The following MTUS2 variants were observed in gnomAD, a reference collection of about 807,000 sequenced individuals.
The protein encoded by MTUS2 is microtubule-associated tumor suppressor candidate 2.
MTUS2 carries 40 observed loss-of-function variants against 114.1 expected under a neutral mutation model. The observed-to-expected ratio is 0.35, with a 90% CI of 0.27 to 0.46. The LOEUF (loss-of-function observed/expected upper bound fraction) is 0.46, where lower values mean the gene tolerates loss of function less well. Ranked by LOEUF, MTUS2 falls within the 20% of genes least tolerant of loss-of-function variation. The pLI is 1.00. For synonymous variants in MTUS2, 688 were observed against 672.0 expected (o/e 1.02, Z -0.37); for missense variants, 1,679 against 1,705.4 (o/e 0.98, Z 0.27).
intron 7 of MTUS2, among the ~76,000 whole-genome samples, chr13:29,332,762 G>A (rs1900851946): frequency 6.6e-6 from 1 of 150,464 alleles, no homozygotes; most frequent in Non-Finnish European, 1.5e-5. Flanking sequence ...AGCCTCCCGA[G>A]TAGCTGGGAC....
chr13:29,444,369 G>T (rs1047419866), intron 9 of MTUS2, among the ~76,000 whole-genome samples: 9 of 152,186 alleles, frequency 5.9e-5, no homozygotes, highest in Non-Finnish European at 8.8e-5. Context: ...GCGGAGAGGT[G>T]ACAGTGAGCC....
At chr13:29,481,371 C>T (rs928832973) in intron 10 of MTUS2, among the ~76,000 whole-genome samples, 1 of 152,058 alleles carries the variant, frequency 6.6e-6, no homozygotes, top group Non-Finnish European at 1.5e-5. Flanking sequence ...CCCACCACCA[C>T]CCCCGCTTCC....
At chr13:28,840,006 G>T (rs1875363013) in intron 2 of MTUS2, among the ~76,000 whole-genome samples, 156 bp downstream of exon 2, 1 of 147,818 alleles carries the variant, frequency 6.8e-6, no homozygotes, top group Admixed American at 6.8e-5. Context: ...AGAAGTCAAT[G>T]AAAATAAATT....
intron 5 of MTUS2, among the ~76,000 whole-genome samples, chr13:29,220,974 A>G (rs1193815785): frequency 6.6e-6 from 1 of 152,226 alleles, no homozygotes; most frequent in East Asian, 1.9e-4. Flanking sequence ...TATCCTATTG[A>G]TAGTCCCATA....
chr13:29,280,971 T>C (rs1176501432), intron 5 of MTUS2, among the ~76,000 whole-genome samples: 1 of 152,256 alleles, frequency 6.6e-6, no homozygotes, highest in Non-Finnish European at 1.5e-5. Flanking sequence ...CAGTATGCCA[T>C]ATCTTCAGAG....
At chr13:29,151,784 A>G (rs760370252) in intron 5 of MTUS2, among the ~76,000 whole-genome samples, 9 of 152,186 alleles carry the variant, frequency 5.9e-5, no homozygotes, top group Non-Finnish European at 1.0e-4. Context: ...GCATGTATTG[A>G]GATGATCATA....
intron 4 of MTUS2, among the ~76,000 whole-genome samples, chr13:29,096,820 C>T (rs1044447253): frequency 2.6e-5 from 4 of 152,182 alleles, no homozygotes; most frequent in African/African-American, 9.6e-5. Flanking sequence ...GGGACAGTAG[C>T]TTCTAGTCTT....
intron 9 of MTUS2, among the ~76,000 whole-genome samples, chr13:29,462,454 G>GA (rs1407705985): frequency 6.6e-6 from 1 of 152,188 alleles, no homozygotes; most frequent in Non-Finnish European, 1.5e-5. Flanking sequence ...ACAGTGGAGA[G>GA]AAAACAGTTG....
chr13:29,237,340 T>A (rs9550453), intron 5 of MTUS2, among the ~76,000 whole-genome samples: 1 of 151,870 alleles, frequency 6.6e-6, no homozygotes, highest in African/African-American at 2.4e-5. Flanking sequence ...CTGGTTTTTT[T>A]GGGTCATTTC....
Position 29,503,196 on chromosome 13 carries a change from C to T in MTUS2, c.4100C>T (p.Thr1367Ile), listed in dbSNP as rs772161975. 3.5e-5 allele frequency: 57 copies of T among 1,613,748 alleles called. No individual in the cohort carries two copies. Among genetic ancestry groups the T allele is most frequent in the Non-Finnish European group, 4.5e-5 (53 of 1,180,052 alleles). Residue 1367 changes from threonine (T) to isoleucine (I), a missense_variant, in exon 16 of 16, where the codon ACA (threonine) becomes ATA (isoleucine). This residue lies in a region of MTUS2 where 822 missense variants were observed against 899.7 expected (regional missense o/e 0.91). Transcript: ENST00000612955. The stretch of plus-strand genomic sequence containing the variant: ...TCCTCTCCGGCCAGAGTCAGCACAA[C>T]ACCCAGATGACGCCACTACACGGCC... ...GPSSPARVSTTPR is the reference protein window; with the variant it reads ...GPSSPARVSTIPR
chr13:29,244,646 A>C (rs1317803903), intron 5 of MTUS2, among the ~76,000 whole-genome samples: 1 of 152,126 alleles, frequency 6.6e-6, no homozygotes, highest in Non-Finnish European at 1.5e-5. Flanking sequence ...GTTAAGGTTG[A>C]ATGAGGTAAA....
In MTUS2 at chr13:29,218,872, A is replaced by C. The variant is rs58420258; in HGVS notation, c.2645-62832A>C. ...AGAGCACAGGCACAGACGATTTAGC[A>C]TAATTGTTTAAGGCCCTAGGATTTT... On this transcript the variant is annotated intron_variant, in intron 5 of 15. Transcript: ENST00000612955. Among the ~76,000 whole-genome samples the C allele has an allele frequency of 1.1e-4, 17 of 152,176 alleles. No individual in the cohort carries two copies. The East Asian group carries it at 3.1e-3, about 28-fold the overall frequency.
intron 5 of MTUS2, among the ~76,000 whole-genome samples, chr13:29,203,233 C>A (rs1289608575): frequency 1.3e-5 from 2 of 152,220 alleles, no homozygotes; most frequent in Admixed American, 6.5e-5. Context: ...TCTAGAGAGG[C>A]AGTCTGGCTA....
intron 1 of MTUS2, among the ~76,000 whole-genome samples, chr13:28,825,378 A>G (rs1054006100): frequency 3.3e-5 from 5 of 152,204 alleles, no homozygotes; most frequent in Admixed American, 3.3e-4. Context: ...GGACAGTGGA[A>G]ACCACACGGC....
intron 2 of MTUS2, among the ~76,000 whole-genome samples, chr13:28,936,627 G>C (rs1045224127): frequency 1.4e-4 from 21 of 152,144 alleles, no homozygotes; most frequent in African/African-American, 4.6e-4. Flanking sequence ...TCAGTACGGA[G>C]AATCTGTCCT....
At chr13:29,279,271 G>A (rs1267430501) in intron 5 of MTUS2, among the ~76,000 whole-genome samples, 1 of 152,162 alleles carries the variant, frequency 6.6e-6, no homozygotes, top group African/African-American at 2.4e-5. Context: ...CCACCTTGCT[G>A]ATGTTTCTTC....
chr13:29,194,105 A>G (rs896839383), intron 5 of MTUS2, among the ~76,000 whole-genome samples: 1 of 150,702 alleles, frequency 6.6e-6, no homozygotes, highest in Non-Finnish European at 1.5e-5. Context: ...AAGATGGATT[A>G]AAGACTTAAA....
chr13:29,162,656 T>C, intron 5 of MTUS2, among the ~76,000 whole-genome samples: 1 of 152,248 alleles, frequency 6.6e-6, no homozygotes, highest in East Asian at 1.9e-4. Flanking sequence ...ATTTATATTC[T>C]TGCTGTATTT....
chr13:28,914,074 T>C lies in MTUS2; in HGVS notation c.-243+74224T>C, dbSNP rs567965355. 3.3e-5 allele frequency among the ~76,000 whole-genome samples: 5 copies of C among 152,238 alleles called. 1 individual carries two copies. The South Asian group carries it at 1.0e-3, about 32-fold the overall frequency. Reference sequence around the variant, plus strand: ...AACCAGCTCCTGGATTTATTGGTTTTTTTGAAGGGTTTTTTGTGTGTGTGT... The same window carrying C: ...AACCAGCTCCTGGATTTATTGGTTTCTTTGAAGGGTTTTTTGTGTGTGTGT... On this transcript the variant is annotated intron_variant, in intron 2 of 15. Coordinates refer to ENST00000612955, the MANE Select transcript of MTUS2 (RefSeq NM_001033602.4).
Sources: allele counts gnomAD v4.1 joint callset (sites outside exome capture counted in the v4.1 genomes callset), GRCh38; gene constraint gnomAD v4.1.1; regional missense constraint gnomAD v4.1.1; transcripts MANE v1.5; gene names NCBI Gene and HGNC (gene_info 2026-07-23, HGNC 2026-07-21).